Variants in ERBIN observed in about 807,000 individuals in gnomAD.
ERBIN encodes the protein densin-180-like protein.
In ERBIN, 60 loss-of-function variants were observed where a neutral mutation model predicts 158.4. The ratio of observed to expected loss-of-function variants is 0.38; its 90% CI spans 0.31 to 0.47. The LOEUF is 0.47. Among genes scored for constraint, ERBIN ranks in the 20% least tolerant of loss-of-function variants. The pLI, the probability that ERBIN is intolerant of heterozygous loss-of-function variation, is 0.99. For synonymous variants in ERBIN, 594 were observed against 557.2 expected, an observed-to-expected ratio of 1.07 and a Z score of -0.93; for missense variants, 1,610 against 1,648.0, an observed-to-expected ratio of 0.98 and a Z score of 0.40.
intron 17 of ERBIN, among the ~76,000 whole-genome samples, chr5:66,044,575 G>C (rs1758226926): frequency 6.6e-6 from 1 of 151,322 alleles, no homozygotes. Flanking sequence ...GACCAGCCTG[G>C]CTAACATGGT....
chr5:65,952,439 A>C (rs1417220834), intron 1 of ERBIN, among the ~76,000 whole-genome samples: 1 of 151,126 alleles, frequency 6.6e-6, no homozygotes, highest in Non-Finnish European at 1.5e-5. Flanking sequence ...GGTGCATTGC[A>C]GCCTCAAACT....
At chr5:65,959,188 G>GT (rs929688196) in intron 1 of ERBIN, among the ~76,000 whole-genome samples, 35 of 148,888 alleles carry the variant, frequency 2.4e-4, no homozygotes, top group Middle Eastern at 3.5e-3. Context: ...GGTGTTACCA[G>GT]TTTTTTTTTT....
chr5:66,029,592 G>C (rs995019156), intron 14 of ERBIN, among the ~76,000 whole-genome samples: 2 of 151,782 alleles, frequency 1.3e-5, no homozygotes, highest in African/African-American at 2.4e-5. Flanking sequence ...GTCCTGTCCT[G>C]TCCTGTCTTG....
At position 66,054,912 on chromosome 5, in the gene ERBIN, A is replaced by G; in HGVS notation, c.3594A>G (p.Glu1198=). The change falls in exon 21 of 26, where the codon GAA becomes GAG. Residue 1198 remains glutamate, a synonymous_variant. Coordinates refer to ENST00000284037, the MANE Select transcript of ERBIN (RefSeq NM_001253697.2). ...GTAAAGTTCCTCGTGACTGGAGAGA[A>G]CAAGTACTTCGACATATTGAAGCCA... ...GKSKVPRDWR[E]QVLRHIEAKK... 1 of 1,607,766 alleles carries G rather than the reference A, an allele frequency of 6.2e-7. No individual in the cohort carries two copies. Among genetic ancestry groups the G allele is most frequent in the Non-Finnish European group, 8.5e-7 (1 of 1,177,022 alleles).
At chr5:66,010,258 A>G (rs1041676034) in intron 4 of ERBIN, among the ~76,000 whole-genome samples, 3 of 152,146 alleles carry the variant, frequency 2.0e-5, no homozygotes, top group South Asian at 4.1e-4. Context: ...TTTGGTGCTT[A>G]CTTATGATTA....
intron 1 of ERBIN, among the ~76,000 whole-genome samples, chr5:65,940,710 G>A (rs1315673501): frequency 6.9e-6 from 1 of 145,336 alleles, no homozygotes; most frequent in Admixed American, 6.7e-5. Flanking sequence ...TCAGCCCCCC[G>A]CCCGGCCAGC....
chr5:65,955,657 A>C (rs904846575), intron 1 of ERBIN, among the ~76,000 whole-genome samples: 1 of 152,326 alleles, frequency 6.6e-6, no homozygotes, highest in African/African-American at 2.4e-5. Flanking sequence ...ATAGATTGAT[A>C]TATGTGTTTC....
chr5:66,021,602 A>G (rs927099339), intron 8 of ERBIN, among the ~76,000 whole-genome samples: 1 of 151,810 alleles, frequency 6.6e-6, no homozygotes, highest in African/African-American at 2.4e-5. Context: ...TGTAAAATCA[A>G]TGAGAGGTCC....
intron 1 of ERBIN, among the ~76,000 whole-genome samples, chr5:65,976,634 T>G (rs1749902859): frequency 6.6e-6 from 1 of 151,302 alleles, no homozygotes; most frequent in South Asian, 2.1e-4. Flanking sequence ...AACAAAGGTC[T>G]CTGGTTTTCC....
At chr5:66,057,909 C>CCATG (rs1759794108) in intron 21 of ERBIN, among the ~76,000 whole-genome samples, 5 of 149,240 alleles carry the variant, frequency 3.4e-5, no homozygotes, top group African/African-American at 1.3e-4. Flanking sequence ...GCATAGTATT[C>CCATG]ACATTTTCTT....
intron 1 of ERBIN, among the ~76,000 whole-genome samples, chr5:65,987,367 T>TACACACACACACACACACACACAC (rs56222591): frequency 0.011 from 1,536 of 135,740 alleles, 14 homozygotes; most frequent in Non-Finnish European, 0.013. Flanking sequence ...AGAGACTGTC[T>TACACACACACACACACACACACAC]ACACACACAC....
intron 1 of ERBIN, among the ~76,000 whole-genome samples, chr5:65,955,684 C>T (rs1321443386): frequency 2.6e-5 from 4 of 152,198 alleles, no homozygotes; most frequent in Admixed American, 6.5e-5. Context: ...AAAATTTTCT[C>T]ATATCCCAGG....
chr5:66,040,169 C>T (rs10052841), intron 15 of ERBIN, among the ~76,000 whole-genome samples: 1 of 151,808 alleles, frequency 6.6e-6, no homozygotes, highest in Non-Finnish European at 1.5e-5. Flanking sequence ...AAAATAGATG[C>T]TATTATCATT....
In ERBIN at chr5:65,949,977, C is replaced by G. The variant is rs149666998; in HGVS notation, c.-58+23171C>G. ...GTGAGCCACTACAGTATGCAGGAAC[C>G]TAAAATATCTGCCCAGCCCAATTTT... On this transcript the variant is annotated intron_variant, in intron 1 of 25. Transcript: ENST00000284037. Among the ~76,000 whole-genome samples the G allele has an allele frequency of 4.3e-3, 653 of 150,832 alleles. 5 individuals carry two copies. The highest frequency in any genetic ancestry group is 0.015 in the African/African-American group (630 of 41,054).
intron 4 of ERBIN, among the ~76,000 whole-genome samples, chr5:66,008,147 G>C (rs555297991): frequency 8.5e-5 from 13 of 152,250 alleles, no homozygotes; most frequent in African/African-American, 3.1e-4. Flanking sequence ...GGCCAGGCAC[G>C]GTGGCTCACA....
chr5:66,019,175 A>AAAATTTAT (rs1755419395), intron 7 of ERBIN, among the ~76,000 whole-genome samples: 1 of 152,092 alleles, frequency 6.6e-6, no homozygotes, highest in Admixed American at 6.6e-5. Context: ...TCCAATTTGG[A>AAAATTTAT]TGCTCTTTAT....
chr5:66,021,908 G>C (rs187389875), intron 8 of ERBIN, among the ~76,000 whole-genome samples: 81 of 152,090 alleles, frequency 5.3e-4, no homozygotes, highest in African/African-American at 1.9e-3. Flanking sequence ...AAGGAAAGGA[G>C]TAGTGTTTAA....
chr5:65,998,176 C>T (rs980718638), intron 4 of ERBIN, among the ~76,000 whole-genome samples: 3 of 150,542 alleles, frequency 2.0e-5, no homozygotes, highest in African/African-American at 7.3e-5. Context: ...TACAGTGAGC[C>T]AAGATAGCAC....
intron 4 of ERBIN, among the ~76,000 whole-genome samples, chr5:65,996,241 G>A: frequency 1.1e-5 from 1 of 93,838 alleles, no homozygotes; most frequent in South Asian, 3.7e-4. Context: ...TTTTTTCCTA[G>A]TAGTTTTTTT....
Sources: gnomAD v4.1 joint callset for allele counts (sites outside exome capture counted in the v4.1 genomes callset) on GRCh38, gnomAD v4.1.1 for gene constraint, MANE v1.5 for transcripts, NCBI Gene and HGNC (gene_info 2026-07-23, HGNC 2026-07-21) for gene names.